The following NMNAT3 variants were observed in gnomAD, a reference collection of about 807,000 sequenced individuals.
The protein encoded by NMNAT3 is nicotinamide nucleotide adenylyltransferase 3, also known as nicotinamide/nicotinic acid mononucleotide adenylyltransferase 3.
In NMNAT3, 21 loss-of-function variants were observed where a neutral mutation model predicts 24.8. The observed-to-expected ratio is 0.85, with a 90% confidence interval of 0.60 to 1.22. The LOEUF is 1.22. Ranked by LOEUF, NMNAT3 falls within the 50% of genes most tolerant of loss-of-function variation. The pLI, the probability that NMNAT3 is intolerant of heterozygous loss-of-function variation, is 0.00. For missense variants in NMNAT3, 387 were observed against 436.6 expected (o/e 0.89, Z 1.01); for synonymous variants, 136 against 155.2 (o/e 0.88, Z 0.92).
intron 3 of NMNAT3, among the ~76,000 whole-genome samples, chr3:139,602,549 T>C (rs2108223643): frequency 6.6e-6 from 1 of 152,332 alleles, no homozygotes; most frequent in Non-Finnish European, 1.5e-5. Context: ...CCAAATCTGC[T>C]TACTGGCAGT....
At chr3:139,627,951 C>G (rs2056129289) in intron 2 of NMNAT3, among the ~76,000 whole-genome samples, 187 bp from the exon 4 acceptor site, 1 of 152,204 alleles carries the variant, frequency 6.6e-6, no homozygotes, top group African/African-American at 2.4e-5. Context: ...CAAGGCGTAT[C>G]CTTCTCTTGC....
intron 2 of NMNAT3, chr3:139,636,682 G>A (rs1206489975): frequency 6.6e-6 from 1 of 152,160 alleles, no homozygotes; most frequent in East Asian, 1.9e-4. Context: ...GCAATTTGTG[G>A]ACACAATACT....
chr3:139,591,866 G>A (rs188418), intron 3 of NMNAT3, among the ~76,000 whole-genome samples: 48,768 of 150,542 alleles, frequency 0.32, 9,233 homozygotes, highest in South Asian at 0.61. Flanking sequence ...ACAAAGATGG[G>A]GAAAAAACAG....
At chr3:139,582,653 A>AG (rs1378589173) in intron 4 of NMNAT3, among the ~76,000 whole-genome samples, 1 of 149,594 alleles carries the variant, frequency 6.7e-6, no homozygotes, top group Non-Finnish European at 1.5e-5. Flanking sequence ...AAAAAAAAAA[A>AG]AAAAAAAAAA....
intron 5 of NMNAT3, 86 bp downstream of exon 5, chr3:139,578,786 A>G (rs1366910859): frequency 8.0e-7 from 1 of 1,250,826 alleles, no homozygotes; most frequent in Non-Finnish European, 1.1e-6. Context: ...ACCCAGCCCC[A>G]CAATCTGCCC....
intron 1 of NMNAT3, among the ~76,000 whole-genome samples, chr3:139,654,112 G>A (rs1164975874): frequency 2.0e-5 from 3 of 152,170 alleles, no homozygotes; most frequent in East Asian, 1.9e-4. Flanking sequence ...GGCAGGATTC[G>A]CACTTAGCTC....
At chr3:139,649,367 C>T (rs184035546) in intron 1 of NMNAT3, among the ~76,000 whole-genome samples, 16 of 151,600 alleles carry the variant, frequency 1.1e-4, no homozygotes, top group Admixed American at 3.9e-4. Flanking sequence ...GCTTTTACAC[C>T]AAACTCCCTG....
At chr3:139,568,633 T>G (rs1937581874) in intron 6 of NMNAT3, 1 of 152,244 alleles carries the variant, frequency 6.6e-6, no homozygotes, top group Non-Finnish European at 1.5e-5. Flanking sequence ...TTGTTCCGTT[T>G]CCATGTAGCT....
intron 3 of NMNAT3, among the ~76,000 whole-genome samples, chr3:139,589,051 T>G (rs556908446): frequency 3.4e-4 from 52 of 152,202 alleles, no homozygotes; most frequent in African/African-American, 1.2e-3. Flanking sequence ...GAGACAAATT[T>G]TGGAAAGGTG....
At chr3:139,599,346 T>G (rs1386014778) in intron 3 of NMNAT3, 1 of 702,400 alleles carries the variant, frequency 1.4e-6, no homozygotes, top group Admixed American at 2.0e-5. Context: ...GCTTGGTGTT[T>G]CTGTGGGCAC....
chr3:139,573,405 G>A (rs1242830832), intron 6 of NMNAT3, among the ~76,000 whole-genome samples, 193 bp downstream of exon 6: 1 of 152,122 alleles, frequency 6.6e-6, no homozygotes, highest in Non-Finnish European at 1.5e-5. Flanking sequence ...AATTTACAGG[G>A]GGTGGTGGCA....
intron 2 of NMNAT3, among the ~76,000 whole-genome samples, chr3:139,632,026 A>ACTG: frequency 6.6e-6 from 1 of 152,166 alleles, no homozygotes; most frequent in South Asian, 2.1e-4. Flanking sequence ...ATCATAGCTC[A>ACTG]CTGCAGCCTC....
In NMNAT3 at chr3:139,641,054, T is replaced by A. The variant is rs150389636; in HGVS notation, c.-140-2992A>T. On this transcript the variant is annotated intron_variant, in intron 1 of 6. Coordinates refer to ENST00000643695, the MANE Select transcript of NMNAT3 (RefSeq NM_001320510.2). ...ACTGTAGTCTCTATGATTCTTAAGCTGACAAACTGTCTTGTTTCTTCCTGC... is the reference window on the plus strand; with the variant it reads ...ACTGTAGTCTCTATGATTCTTAAGCAGACAAACTGTCTTGTTTCTTCCTGC... Among the ~76,000 whole-genome samples, 9 of 152,352 alleles carry A rather than the reference T, an allele frequency of 5.9e-5. 1 individual carries two copies. The East Asian group carries it at 1.4e-3, about 23-fold the overall frequency.
intron 1 of NMNAT3, among the ~76,000 whole-genome samples, chr3:139,665,386 C>T (rs1027427170): frequency 2.0e-5 from 3 of 152,102 alleles, no homozygotes; most frequent in East Asian, 1.9e-4. Flanking sequence ...CAGACGTCTT[C>T]GGCAAAGTGT....
At chr3:139,659,001 A>C (rs2057332853) in intron 1 of NMNAT3, among the ~76,000 whole-genome samples, 1 of 152,156 alleles carries the variant, frequency 6.6e-6, no homozygotes, top group Non-Finnish European at 1.5e-5. Context: ...CTCTTTTAGA[A>C]CTTTAAATAT....
chr3:139,591,111 C>A (rs933598306), intron 3 of NMNAT3, among the ~76,000 whole-genome samples: 2 of 151,004 alleles, frequency 1.3e-5, no homozygotes, highest in Admixed American at 6.6e-5. Context: ...AGTGTGTGTG[C>A]GCACCGTGCG....
At chr3:139,656,221 T>C (rs2057236391) in intron 1 of NMNAT3, among the ~76,000 whole-genome samples, 1 of 152,236 alleles carries the variant, frequency 6.6e-6, no homozygotes, top group Non-Finnish European at 1.5e-5. Flanking sequence ...GATTCTATCA[T>C]GCAGAGTTGC....
At chr3:139,671,786 G>A (rs987331458) in intron 1 of NMNAT3, among the ~76,000 whole-genome samples, 5 of 152,220 alleles carry the variant, frequency 3.3e-5, no homozygotes, top group African/African-American at 1.2e-4. Flanking sequence ...ATTTGAAAGT[G>A]AGTAATAATT....
Position 139,646,097 on chromosome 3 carries a change from G to A in NMNAT3, c.-140-8035C>T, listed in dbSNP as rs188237051. ...CCTTTGGGATGTAGGTGGGGTGGGG[G>A]CAGTAGGGACAGAGCTGCAACTTTT... On this transcript the variant is annotated intron_variant, in intron 1 of 6. Coordinates refer to ENST00000643695, the MANE Select transcript of NMNAT3 (RefSeq NM_001320510.2). Among the ~76,000 whole-genome samples, 156 of 152,276 alleles carry A rather than the reference G, an allele frequency of 1.0e-3. 2 individuals carry two copies. The South Asian group carries it at 0.027, about 26-fold the overall frequency.
Sources: allele counts gnomAD v4.1 joint callset (sites outside exome capture counted in the v4.1 genomes callset), GRCh38; gene constraint gnomAD v4.1.1; transcripts MANE v1.5; gene names NCBI Gene and HGNC (gene_info 2026-07-23, HGNC 2026-07-21).